BCKDHB: variants seen among roughly 807,000 people sequenced by gnomAD.
BCKDHB encodes the protein 2-oxoisovalerate dehydrogenase subunit beta, mitochondrial.
Under a neutral mutation model 48.5 loss-of-function variants are expected in BCKDHB, and 41 were observed. The observed-to-expected ratio is 0.85, with a 90% CI of 0.66 to 1.10. BCKDHB has a LOEUF of 1.10. BCKDHB is among the 50% of genes least tolerant of loss of function. BCKDHB has a pLI of 0.00. For synonymous variants in BCKDHB, 201 were observed against 174.8 expected (o/e 1.15, Z -1.18); for missense variants, 496 against 494.2 (o/e 1.00, Z -0.03).
chr6:80,263,979 A>G (rs555515089), intron 8 of BCKDHB, among the ~76,000 whole-genome samples: 29 of 152,312 alleles, frequency 1.9e-4, no homozygotes, highest in African/African-American at 5.8e-4. Context: ...GATATTAGTA[A>G]TTGTTGTTTT....
chr6:80,201,507 A>C (rs1212675176), intron 7 of BCKDHB, among the ~76,000 whole-genome samples: 1 of 152,154 alleles, frequency 6.6e-6, no homozygotes, highest in African/African-American at 2.4e-5. Context: ...ATATTACAAC[A>C]ATGTATTAAT....
At chr6:80,110,596 A>G (rs1582156631) in intron 1 of BCKDHB, among the ~76,000 whole-genome samples, 1 of 152,314 alleles carries the variant, frequency 6.6e-6, no homozygotes, top group Admixed American at 6.5e-5. Flanking sequence ...TTCCCATTCA[A>G]AGGCAAAAAG....
At chr6:80,190,049 T>C (rs1462096948) in intron 6 of BCKDHB, among the ~76,000 whole-genome samples, 1 of 152,126 alleles carries the variant, frequency 6.6e-6, no homozygotes, top group African/African-American at 2.4e-5. Flanking sequence ...AAAATACAGA[T>C]TTCTAATGGA....
intron 8 of BCKDHB, among the ~76,000 whole-genome samples, chr6:80,208,576 G>A (rs1774776752): frequency 6.6e-6 from 1 of 151,626 alleles, no homozygotes; most frequent in Admixed American, 6.6e-5. Flanking sequence ...GAAAAAATAG[G>A]GTAGAAACAA....
At chr6:80,210,321 A>G (rs947425548) in intron 8 of BCKDHB, among the ~76,000 whole-genome samples, 1 of 152,140 alleles carries the variant, frequency 6.6e-6, no homozygotes, top group Admixed American at 6.6e-5. Context: ...ATAAACACAA[A>G]GAAGCCAGAC....
chr6:80,463,767 C>T, the BCKDHB span, among the ~76,000 whole-genome samples: 1 of 152,114 alleles, frequency 6.6e-6, no homozygotes, highest in Non-Finnish European at 1.5e-5. Context: ...CATATTGTCT[C>T]ATTTAATTTT....
intron 6 of BCKDHB, among the ~76,000 whole-genome samples, chr6:80,179,165 G>A (rs76591172): frequency 0.041 from 6,267 of 152,024 alleles, 157 homozygotes; most frequent in Admixed American, 0.07. Context: ...TGGGACCACA[G>A]GCATGTGCCA....
the BCKDHB span, among the ~76,000 whole-genome samples, chr6:80,439,696 C>G: frequency 6.6e-6 from 1 of 152,030 alleles, no homozygotes; most frequent in Non-Finnish European, 1.5e-5. Flanking sequence ...CACAAGTAAG[C>G]CTAAGAAGAA....
chr6:80,409,473 G>T, the BCKDHB span, among the ~76,000 whole-genome samples: 4 of 150,158 alleles, frequency 2.7e-5, no homozygotes, highest in Non-Finnish European at 4.4e-5. Flanking sequence ...AATATTGACA[G>T]TGGGGTGTTG....
the BCKDHB span, chr6:80,373,985 C>A: frequency 1.7e-6 from 1 of 583,684 alleles, no homozygotes. Flanking sequence ...TTTCTTTTTC[C>A]TTTTAATTGC....
the BCKDHB span, among the ~76,000 whole-genome samples, chr6:80,397,231 T>G: frequency 6.6e-6 from 1 of 152,198 alleles, no homozygotes; most frequent in Non-Finnish European, 1.5e-5. Flanking sequence ...TGCTCTTCAT[T>G]TTAACTTTTT....
intron 1 of BCKDHB, among the ~76,000 whole-genome samples, chr6:80,117,467 G>T (rs1387490863): frequency 6.6e-6 from 1 of 152,208 alleles, no homozygotes; most frequent in African/African-American, 2.4e-5. Flanking sequence ...TAGACATTTT[G>T]TTGGGAATAG....
intron 6 of BCKDHB, among the ~76,000 whole-genome samples, chr6:80,199,535 T>G (rs959822516): frequency 6.6e-6 from 1 of 152,034 alleles, no homozygotes; most frequent in African/African-American, 2.4e-5. Flanking sequence ...CCCAGCACTT[T>G]GGGAGCCTCG....
At chr6:80,172,698 C>G (rs1218018084) in intron 6 of BCKDHB, among the ~76,000 whole-genome samples, 1 of 152,052 alleles carries the variant, frequency 6.6e-6, no homozygotes, top group African/African-American at 2.4e-5. Context: ...ATGAATAGAT[C>G]ACAATTAATT....
the BCKDHB span, among the ~76,000 whole-genome samples, chr6:80,353,029 A>G: frequency 1.3e-5 from 2 of 152,186 alleles, no homozygotes; most frequent in Non-Finnish European, 2.9e-5. Flanking sequence ...TGTACCCATT[A>G]AGTGATTTCT....
At chr6:80,359,527 T>G in the BCKDHB span, among the ~76,000 whole-genome samples, 43 of 152,358 alleles carry the variant, frequency 2.8e-4, no homozygotes, top group Non-Finnish European at 1.8e-4. Flanking sequence ...TATTATCATT[T>G]TAATGCCACC....
the BCKDHB span, among the ~76,000 whole-genome samples, chr6:80,385,868 A>G: frequency 2.0e-5 from 3 of 152,222 alleles, no homozygotes; most frequent in Non-Finnish European, 2.9e-5. Context: ...AGCAACATAG[A>G]GTTGGATCAG....
At chr6:80,415,137 G>C in the BCKDHB span, among the ~76,000 whole-genome samples, 1 of 152,134 alleles carries the variant, frequency 6.6e-6, no homozygotes, top group Non-Finnish European at 1.5e-5. Context: ...CTTCAGCAAA[G>C]TTTATCAGCT....
At chr6:80,232,704 T>G (rs1377915322) in intron 8 of BCKDHB, among the ~76,000 whole-genome samples, 2 of 148,550 alleles carry the variant, frequency 1.3e-5, no homozygotes, top group African/African-American at 2.4e-5. Flanking sequence ...ATTTAATATA[T>G]TTAATATTAT....
Sources: allele counts gnomAD v4.1 joint callset (sites outside exome capture counted in the v4.1 genomes callset), GRCh38; gene constraint gnomAD v4.1.1; transcripts MANE v1.5; gene names NCBI Gene and HGNC (gene_info 2026-07-23, HGNC 2026-07-21).